Variants in RGS6 observed in about 807,000 individuals in gnomAD.
RGS6 encodes regulator of G-protein signaling 6.
RGS6 carries 30 observed loss-of-function variants against 78.5 expected under a neutral mutation model. The observed-to-expected ratio is 0.38, with a 90% CI of 0.29 to 0.52. The LOEUF (loss-of-function observed/expected upper bound fraction) is 0.52, where lower values mean the gene tolerates loss of function less well. Among genes scored for constraint, RGS6 ranks in the 20% least tolerant of loss-of-function variants. RGS6 has a pLI of 0.85. For missense variants in RGS6, 495 were observed against 609.7 expected, an observed-to-expected ratio of 0.81 and a Z score of 1.98; for synonymous variants, 206 against 206.0, an observed-to-expected ratio of 1.00 and a Z score of 0.00.
the RGS6 span, among the ~76,000 whole-genome samples, chr14:71,926,563 G>A: frequency 7.3e-6 from 1 of 137,870 alleles, no homozygotes; most frequent in African/African-American, 2.7e-5. Flanking sequence ...CAGGCTGGGT[G>A]ACAGAGTGAG....
chr14:72,511,994 G>A (rs1443050558), intron 14 of RGS6, among the ~76,000 whole-genome samples: 1 of 152,152 alleles, frequency 6.6e-6, no homozygotes, highest in Non-Finnish European at 1.5e-5. Context: ...TAGGAAGGAA[G>A]GCTCTCTGTG....
intron 2 of RGS6, among the ~76,000 whole-genome samples, chr14:71,999,903 T>C (rs2083114339): frequency 6.6e-6 from 1 of 152,090 alleles, no homozygotes; most frequent in Admixed American, 6.5e-5. Flanking sequence ...TATGAGGTAT[T>C]TCTTTATAGC....
chr14:72,185,107 A>G (rs2097221647), intron 2 of RGS6, among the ~76,000 whole-genome samples: 1 of 152,214 alleles, frequency 6.6e-6, no homozygotes, highest in Non-Finnish European at 1.5e-5. Context: ...GTTCAAGGGC[A>G]GGAAGCATCC....
At chr14:72,298,574 A>G (rs750404984) in intron 2 of RGS6, among the ~76,000 whole-genome samples, 11 of 150,874 alleles carry the variant, frequency 7.3e-5, no homozygotes, top group Non-Finnish European at 1.3e-4. Flanking sequence ...CAGCCTCCCG[A>G]GTAGCTGGGA....
intron 2 of RGS6, among the ~76,000 whole-genome samples, chr14:72,251,793 C>T (rs1398293919): frequency 6.6e-6 from 1 of 152,072 alleles, no homozygotes; most frequent in Non-Finnish European, 1.5e-5. Context: ...TTGTTCATTC[C>T]CCCAAACCTT....
intron 2 of RGS6, among the ~76,000 whole-genome samples, chr14:72,238,609 T>C (rs1047259017): frequency 1.3e-5 from 2 of 152,036 alleles, no homozygotes; most frequent in Non-Finnish European, 2.9e-5. Flanking sequence ...TTTCTCAGTG[T>C]GTATATATTG....
chr14:72,106,260 T>G (rs1196407698), intron 2 of RGS6, among the ~76,000 whole-genome samples: 1 of 152,160 alleles, frequency 6.6e-6, no homozygotes, highest in Admixed American at 6.5e-5. Context: ...CTACACAAAA[T>G]AAGCATAGTT....
intron 2 of RGS6, among the ~76,000 whole-genome samples, chr14:72,151,342 A>G (rs921570553): frequency 1.1e-4 from 16 of 152,368 alleles, no homozygotes; most frequent in African/African-American, 3.6e-4. Flanking sequence ...CAGATTGCGC[A>G]TGTAATTACT....
At chr14:72,382,584 C>T (rs2086467684) in intron 3 of RGS6, among the ~76,000 whole-genome samples, 1 of 152,124 alleles carries the variant, frequency 6.6e-6, no homozygotes. Flanking sequence ...GGCATCTCCA[C>T]TCCAAGGAAT....
At chr14:72,205,186 C>T (rs1359464489) in intron 2 of RGS6, among the ~76,000 whole-genome samples, 1 of 152,158 alleles carries the variant, frequency 6.6e-6, no homozygotes, top group Non-Finnish European at 1.5e-5. Flanking sequence ...ATGTCCTCAT[C>T]ATATCTCCTC....
chr14:72,224,940 G>A lies in RGS6; in HGVS notation c.85-127155G>A, dbSNP rs537130290. Among the ~76,000 whole-genome samples, 10 of 152,270 alleles carry A rather than the reference G, an allele frequency of 6.6e-5. No individual in the cohort carries two copies. In the South Asian group the frequency reaches 1.7e-3, roughly 25 times the overall value. On this transcript the variant is annotated intron_variant, in intron 2 of 17. Transcript: ENST00000553525. ...AAAACTGAGGAATTCAGCAGTCCTC[G>A]AGGCCTCGACTCACACCTTTAAATC...
chr14:72,458,302 T>C lies in RGS6; in HGVS notation c.267T>C (p.Ala89=), dbSNP rs749800418. The C allele has an allele frequency of 6.2e-7, 1 of 1,614,162 alleles. No homozygotes were observed. Among genetic ancestry groups the C allele is most frequent in the Non-Finnish European group, 8.5e-7 (1 of 1,179,990 alleles). ...VEAIHLGSLI[A]AQGYIFPISD... ...CAATACACTTGGGGAGCCTTATCGCTGCCCAGGGCTACATCTTTCCAATCT... is the reference window on the plus strand; with the variant it reads ...CAATACACTTGGGGAGCCTTATCGCCGCCCAGGGCTACATCTTTCCAATCT... The change falls in exon 5 of 18, where the codon GCT becomes GCC. Residue 89 remains alanine (A), a synonymous_variant. Transcript: ENST00000553525.
intron 2 of RGS6, among the ~76,000 whole-genome samples, chr14:72,077,591 A>G (rs2094627890): frequency 1.3e-5 from 2 of 152,074 alleles, no homozygotes; most frequent in Admixed American, 6.5e-5. Flanking sequence ...AATTTGTTCT[A>G]TTTTGAAGCC....
chr14:72,484,622 A>T (rs1339441529), intron 12 of RGS6, among the ~76,000 whole-genome samples: 1 of 151,980 alleles, frequency 6.6e-6, no homozygotes, highest in Non-Finnish European at 1.5e-5. Flanking sequence ...TACAACTTTT[A>T]TTTTTGTCAT....
intron 3 of RGS6, among the ~76,000 whole-genome samples, chr14:72,440,741 A>G (rs1250456195): frequency 6.6e-6 from 1 of 152,192 alleles, no homozygotes; most frequent in Non-Finnish European, 1.5e-5. Flanking sequence ...GATTTCTAGC[A>G]GATAACATAT....
chr14:72,024,667 T>C (rs1248287571), intron 2 of RGS6, among the ~76,000 whole-genome samples: 1 of 152,132 alleles, frequency 6.6e-6, no homozygotes, highest in African/African-American at 2.4e-5. Context: ...TCCCACAAGA[T>C]GGGCATAAAT....
intron 17 of RGS6, among the ~76,000 whole-genome samples, chr14:72,557,439 G>GAGTC (rs2097596613): frequency 6.6e-6 from 1 of 152,084 alleles, no homozygotes; most frequent in South Asian, 2.1e-4. Context: ...AACCTTCCGG[G>GAGTC]AGTCACCCGA....
intron 1 of RGS6, among the ~76,000 whole-genome samples, chr14:71,936,545 T>C (rs936106501): frequency 6.6e-6 from 1 of 152,146 alleles, no homozygotes; most frequent in Non-Finnish European, 1.5e-5. Context: ...CTTGAACCCA[T>C]ACATATCTCC....
At chr14:72,422,470 G>A (rs2094236627) in intron 3 of RGS6, among the ~76,000 whole-genome samples, 1 of 152,148 alleles carries the variant, frequency 6.6e-6, no homozygotes, top group South Asian at 2.1e-4. Flanking sequence ...CAAATCTAGA[G>A]AAATAAGTCC....
Sources: allele counts gnomAD v4.1 joint callset (sites outside exome capture counted in the v4.1 genomes callset), GRCh38; gene constraint gnomAD v4.1.1; transcripts MANE v1.5; gene names NCBI Gene and HGNC (gene_info 2026-07-23, HGNC 2026-07-21).